The following TFEC variants were observed in gnomAD, a reference collection of about 807,000 sequenced individuals.
TFEC encodes the protein class E basic helix-loop-helix protein 34.
Under a neutral mutation model 41.6 loss-of-function variants are expected in TFEC, and 31 were observed. The ratio of observed to expected loss-of-function variants is 0.74; its 90% confidence interval spans 0.56 to 1.01. The LOEUF (loss-of-function observed/expected upper bound fraction) is 1.01, where lower values mean the gene tolerates loss of function less well. TFEC is among the 50% of genes least tolerant of loss of function. TFEC has a pLI of 0.00. For missense variants in TFEC, 402 were observed against 404.1 expected, an observed-to-expected ratio of 0.99 and a Z score of 0.04; for synonymous variants, 143 against 140.6, an observed-to-expected ratio of 1.02 and a Z score of -0.12.
intron 3 of TFEC, among the ~76,000 whole-genome samples, chr7:116,039,395 G>T (rs1474266165): frequency 6.6e-6 from 1 of 150,540 alleles, no homozygotes; most frequent in East Asian, 2.0e-4. Flanking sequence ...ATGATTTGGG[G>T]ATAAAAACTA....
chr7:115,950,182 T>C (rs1221180537), intron 6 of TFEC, among the ~76,000 whole-genome samples: 4 of 152,020 alleles, frequency 2.6e-5, no homozygotes, highest in African/African-American at 2.4e-5. Flanking sequence ...TGGCTAACTT[T>C]TGTATTTTTA....
intron 3 of TFEC, among the ~76,000 whole-genome samples, chr7:116,054,392 A>C (rs1387093337): frequency 6.6e-6 from 1 of 152,196 alleles, no homozygotes; most frequent in Non-Finnish European, 1.5e-5. Flanking sequence ...AGTGTGACTA[A>C]TGTAATAAAG....
chr7:116,117,932 A>C (rs923522237), intron 1 of TFEC, among the ~76,000 whole-genome samples: 2 of 151,968 alleles, frequency 1.3e-5, no homozygotes, highest in South Asian at 4.1e-4. Flanking sequence ...AAATGCCCCA[A>C]GGCACTCGTA....
chr7:116,008,638 T>A (rs1021909931), intron 1 of TFEC, among the ~76,000 whole-genome samples: 4 of 152,220 alleles, frequency 2.6e-5, no homozygotes, highest in Non-Finnish European at 4.4e-5. Flanking sequence ...CATTTGTTAA[T>A]GTTCTGCAGT....
chr7:116,064,587 C>T (rs192598623), intron 3 of TFEC, among the ~76,000 whole-genome samples: 51 of 151,952 alleles, frequency 3.4e-4, no homozygotes, highest in Admixed American at 2.8e-3. Context: ...AGGACAAATA[C>T]CTAATGCATG....
At chr7:115,994,907 T>C (rs191485563) in intron 1 of TFEC, among the ~76,000 whole-genome samples, 5,711 of 152,212 alleles carry the variant, frequency 0.038, 155 homozygotes, top group Middle Eastern at 0.061. Flanking sequence ...CGTATGTTTA[T>C]TGCGGCACTA....
chr7:116,086,558 G>C (rs1462132843), intron 3 of TFEC, among the ~76,000 whole-genome samples: 1 of 151,782 alleles, frequency 6.6e-6, no homozygotes, highest in Non-Finnish European at 1.5e-5. Flanking sequence ...GATATCGAAT[G>C]CTTCTTTATG....
At chr7:115,982,981 C>A (rs1414388780) in intron 2 of TFEC, among the ~76,000 whole-genome samples, 1 of 152,012 alleles carries the variant, frequency 6.6e-6, no homozygotes, top group African/African-American at 2.4e-5. Flanking sequence ...ATATGCATAT[C>A]CTTCAAGATT....
At chr7:116,066,236 C>T (rs1796692009) in intron 3 of TFEC, among the ~76,000 whole-genome samples, 1 of 152,040 alleles carries the variant, frequency 6.6e-6, no homozygotes, top group African/African-American at 2.4e-5. Context: ...ATTCCAGGCC[C>T]ATGACAAAGC....
intron 3 of TFEC, among the ~76,000 whole-genome samples, chr7:116,095,315 T>G (rs1267737271): frequency 1.3e-5 from 2 of 152,164 alleles, no homozygotes; most frequent in African/African-American, 4.8e-5. Flanking sequence ...CTATACTAAT[T>G]GCAAAAACAA....
At chr7:116,078,584 A>C (rs1797014937) in intron 3 of TFEC, among the ~76,000 whole-genome samples, 1 of 152,156 alleles carries the variant, frequency 6.6e-6, no homozygotes, top group South Asian at 2.1e-4. Context: ...GGAAACTTAG[A>C]GAAGATGGAT....
intron 3 of TFEC, among the ~76,000 whole-genome samples, chr7:116,074,282 G>A (rs1796903254): frequency 6.6e-6 from 1 of 151,628 alleles, no homozygotes. Context: ...AATGAAAAAT[G>A]TTTGTCCTCC....
At chr7:116,157,677 C>G (rs1798896985) in intron 1 of TFEC, among the ~76,000 whole-genome samples, 1 of 152,228 alleles carries the variant, frequency 6.6e-6, no homozygotes, top group African/African-American at 2.4e-5. Flanking sequence ...ATCTTTAGCT[C>G]TTTTTAGGGA....
chr7:115,964,243 T>C (rs1792726699), intron 3 of TFEC, among the ~76,000 whole-genome samples: 1 of 151,532 alleles, frequency 6.6e-6, no homozygotes, highest in African/African-American at 2.4e-5. Context: ...TACTGAAGAA[T>C]CAAAAGGTAC....
chr7:116,109,102 C>G (rs1181765610), intron 3 of TFEC, among the ~76,000 whole-genome samples: 1 of 151,790 alleles, frequency 6.6e-6, no homozygotes, highest in Non-Finnish European at 1.5e-5. Flanking sequence ...AAATGTTAGA[C>G]CTAAAACCAT....
chr7:116,141,112 T>C (rs548534534), intron 1 of TFEC, among the ~76,000 whole-genome samples: 1 of 152,284 alleles, frequency 6.6e-6, no homozygotes, highest in African/African-American at 2.4e-5. Context: ...TAATAAGGCA[T>C]GCTAAGTAAG....
chr7:115,947,984 A>G (rs1791699533), intron 6 of TFEC, among the ~76,000 whole-genome samples: 1 of 152,164 alleles, frequency 6.6e-6, no homozygotes, highest in South Asian at 2.1e-4. Context: ...GAGAAGAATC[A>G]AATAGATGCA....
intron 4 of TFEC, among the ~76,000 whole-genome samples, chr7:115,955,776 AATAAG>A (rs1357821990): frequency 9.2e-5 from 14 of 152,162 alleles, no homozygotes; most frequent in African/African-American, 3.1e-4. Context: ...TTAAAAAGTT[AATAAG>A]ATAATACATT....
chr7:116,154,121 T>A (rs1222291814), intron 1 of TFEC, among the ~76,000 whole-genome samples: 1 of 152,218 alleles, frequency 6.6e-6, no homozygotes, highest in Non-Finnish European at 1.5e-5. Context: ...TAGTTATGCA[T>A]CTTGAACTCA....
Sources: gnomAD v4.1 joint callset for allele counts (sites outside exome capture counted in the v4.1 genomes callset) on GRCh38, gnomAD v4.1.1 for gene constraint, MANE v1.5 for transcripts, NCBI Gene and HGNC (gene_info 2026-07-23, HGNC 2026-07-21) for gene names.